The following KIF26B variants were observed in gnomAD, a reference collection of about 807,000 sequenced individuals.
KIF26B encodes the protein kinesin family member 26B.
Under a neutral mutation model 151.2 loss-of-function variants are expected in KIF26B, and 63 were observed. The observed-to-expected ratio is 0.42, with a 90% CI of 0.34 to 0.51. The LOEUF (loss-of-function observed/expected upper bound fraction) is 0.51. Among genes scored for constraint, KIF26B ranks in the 20% least tolerant of loss-of-function variants. KIF26B has a pLI of 0.07. For synonymous variants in KIF26B, 1,357 were observed against 1,262.1 expected, an observed-to-expected ratio of 1.08 and a Z score of -1.59; for missense variants, 2,813 against 2,913.6, an observed-to-expected ratio of 0.97 and a Z score of 0.79.
intron 5 of KIF26B, among the ~76,000 whole-genome samples, chr1:245,585,126 A>G (rs2043211395): frequency 6.6e-6 from 1 of 152,180 alleles, no homozygotes; most frequent in Admixed American, 6.5e-5. Context: ...AAACTGTTAG[A>G]AATGCAAATT....
intron 4 of KIF26B, among the ~76,000 whole-genome samples, chr1:245,455,773 C>T (rs1659504486): frequency 6.6e-6 from 1 of 152,168 alleles, no homozygotes; most frequent in Admixed American, 6.5e-5. Flanking sequence ...TCTGTTCTGC[C>T]AGCACCCCTG....
intron 3 of KIF26B, among the ~76,000 whole-genome samples, chr1:245,369,887 T>G (rs376875853): frequency 1.6e-4 from 24 of 152,238 alleles, no homozygotes; most frequent in African/African-American, 5.8e-4. Flanking sequence ...ATAAATATAA[T>G]GAGGAACCAG....
chr1:245,502,529 CAAAA>C (rs10596275), intron 4 of KIF26B, among the ~76,000 whole-genome samples: 5 of 96,712 alleles, frequency 5.2e-5, no homozygotes, highest in African/African-American at 3.9e-5. Flanking sequence ...GATTCTGTCT[CAAAA>C]AAAAAAAAAA....
At chr1:245,259,178 C>A (rs1670589999) in intron 2 of KIF26B, among the ~76,000 whole-genome samples, 1 of 152,172 alleles carries the variant, frequency 6.6e-6, no homozygotes, top group Non-Finnish European at 1.5e-5. Flanking sequence ...TAAGGTGTTT[C>A]CCCACTCAGT....
intron 10 of KIF26B, among the ~76,000 whole-genome samples, chr1:245,657,334 C>T (rs1012160489): frequency 1.3e-5 from 2 of 152,184 alleles, no homozygotes; most frequent in Admixed American, 1.3e-4. Flanking sequence ...AAATCGCGCG[C>T]TGAGAACTAA....
intron 3 of KIF26B, among the ~76,000 whole-genome samples, chr1:245,370,862 A>G (rs553261678): frequency 6.6e-6 from 1 of 152,338 alleles, no homozygotes; most frequent in South Asian, 2.1e-4. Context: ...ATTAATCTCT[A>G]ACCAAGTACC....
intron 4 of KIF26B, among the ~76,000 whole-genome samples, chr1:245,497,040 C>T (rs1166311543): frequency 6.6e-6 from 1 of 151,594 alleles, no homozygotes; most frequent in East Asian, 1.9e-4. Context: ...GTAATCGCAA[C>T]TACTCGGGAG....
chr1:245,701,532 C>CTCA (rs1452897853), intron 14 of KIF26B, among the ~76,000 whole-genome samples: 2 of 152,162 alleles, frequency 1.3e-5, no homozygotes, highest in Non-Finnish European at 2.9e-5. Flanking sequence ...TCTCAGGGAC[C>CTCA]TCATCTGCAG....
At position 245,540,076 on chromosome 1, in the gene KIF26B, C is replaced by G. The variant is rs528039639; in HGVS notation, c.1167-691C>G. The stretch of plus-strand genomic sequence containing the variant: ...CCTTTCCCTGCCTTCACACTCTGTG[C>G]CCCCTTCAGTGCTTTGACCCCTTAC... On this transcript the variant is annotated intron_variant, in intron 4 of 14. Transcript: ENST00000407071. This position sits in a 1 kb window ranked among gnomAD's most constrained non-coding sequence, Gnocchi z 4.6. Among the ~76,000 whole-genome samples the G allele has an allele frequency of 6.6e-6, 1 of 152,184 alleles. No individual in the cohort carries two copies. The highest frequency in any genetic ancestry group is 6.5e-5 in the Admixed American group (1 of 15,278).
intron 2 of KIF26B, among the ~76,000 whole-genome samples, chr1:245,197,974 A>G (rs1227872410): frequency 1.3e-5 from 2 of 152,206 alleles, no homozygotes; most frequent in African/African-American, 4.8e-5. Context: ...CTCTCTCTTA[A>G]GCAGATGACT....
rs187140859 is a variant in KIF26B at position 245,557,368 on chromosome 1, G to A, written c.1350+16418G>A. Among the ~76,000 whole-genome samples the A allele has an allele frequency of 1.9e-3, 294 of 152,296 alleles. 2 individuals carry two copies. In the South Asian group the frequency reaches 0.032, roughly 16 times the overall value. The stretch of plus-strand genomic sequence containing the variant: ...CCCTCCTGGCTTTGCCTCCTCTGCC[G>A]TCGTCGCAGCCGGCAGGTCCCAGCT... On this transcript the variant is annotated intron_variant, in intron 5 of 14. Coordinates refer to ENST00000407071, the MANE Select transcript of KIF26B (RefSeq NM_018012.4).
At chr1:245,249,258 G>A (rs1670394438) in intron 2 of KIF26B, among the ~76,000 whole-genome samples, 1 of 151,900 alleles carries the variant, frequency 6.6e-6, no homozygotes, top group Admixed American at 6.6e-5. Context: ...CACCATGCCT[G>A]GCTAATTTTT....
At chr1:245,421,712 A>G (rs1625334) in intron 4 of KIF26B, among the ~76,000 whole-genome samples, 41,259 of 151,894 alleles carry the variant, frequency 0.27, 6,331 homozygotes, top group African/African-American at 0.4. Context: ...AGAAATAAGA[A>G]GTGAGGGTTC....
intron 9 of KIF26B, among the ~76,000 whole-genome samples, chr1:245,630,857 A>G (rs180827075): frequency 1.3e-5 from 2 of 152,204 alleles, no homozygotes; most frequent in Admixed American, 1.3e-4. Context: ...AGTTTTTGTT[A>G]TAGAGGTATT....
rs569193354 is a variant in KIF26B, at chr1:245,645,881, T to G, written c.2099-240T>G. On this transcript the variant is annotated intron_variant, in intron 9 of 14. Transcript: ENST00000407071. ...CAAGAATTATTTGAATTCACTTATT[T>G]GTAGTGTGAATGTCAGTAGGCTTTA... is the stretch of plus-strand genomic sequence containing the variant. Among the ~76,000 whole-genome samples the G allele has an allele frequency of 2.2e-3, 342 of 152,370 alleles. 3 individuals are homozygous for G. Among genetic ancestry groups the G allele is most frequent in the Middle Eastern group, 0.014 (4 of 294 alleles).
At position 245,678,857 on chromosome 1, in the gene KIF26B, C is replaced by T. The variant is rs548228182; in HGVS notation, c.2259-5376C>T. On this transcript the variant is annotated intron_variant, in intron 10 of 14. Coordinates refer to ENST00000407071, the MANE Select transcript of KIF26B (RefSeq NM_018012.4). ...CAGCCCGGGTGACAGGGCAAGACTT[C>T]GTCTCAAAAAAGAAAAAAAAAAAAG... 1.0e-4 allele frequency among the ~76,000 whole-genome samples: 14 copies of T among 138,474 alleles called. No individual in the cohort carries two copies. The East Asian group carries it at 2.2e-3, about 22-fold the overall frequency. The allele number at this position is 138,474 out of a possible 152,430, so 90.8% of individuals were successfully genotyped here.
intron 2 of KIF26B, among the ~76,000 whole-genome samples, chr1:245,271,225 G>A (rs1240893635): frequency 6.6e-6 from 1 of 151,988 alleles, no homozygotes; most frequent in East Asian, 1.9e-4. Flanking sequence ...AGATTGTTTT[G>A]GCTATTCAGG....
intron 3 of KIF26B, among the ~76,000 whole-genome samples, chr1:245,385,288 A>G (rs779099054): frequency 6.6e-5 from 10 of 152,246 alleles, no homozygotes; most frequent in Non-Finnish European, 1.3e-4. Context: ...CTAACAGCTA[A>G]CTAATAGACT....
intron 2 of KIF26B, among the ~76,000 whole-genome samples, chr1:245,339,905 T>C (rs1019670368): frequency 6.6e-6 from 1 of 152,240 alleles, no homozygotes; most frequent in Non-Finnish European, 1.5e-5. Context: ...CTCTTCCCCA[T>C]TGGGCCGTGT....
Sources: gnomAD v4.1 joint callset for allele counts (sites outside exome capture counted in the v4.1 genomes callset) on GRCh38, gnomAD v4.1.1 for gene constraint, Gnocchi (gnomAD v3.1) non-coding constraint, MANE v1.5 for transcripts, NCBI Gene and HGNC (gene_info 2026-07-23, HGNC 2026-07-21) for gene names.